The following MYO16 variants were observed in gnomAD, a reference collection of about 807,000 sequenced individuals.
MYO16 encodes myosin XVI.
Under a neutral mutation model 205.3 loss-of-function variants are expected in MYO16, and 94 were observed. The observed-to-expected ratio is 0.46, with a 90% CI of 0.39 to 0.54. MYO16 has a LOEUF of 0.54. Ranked by LOEUF, MYO16 falls within the 20% of genes least tolerant of loss-of-function variation. The pLI is 0.00. For synonymous variants in MYO16, 988 were observed against 954.0 expected (o/e 1.04, Z -0.66); for missense variants, 2,315 against 2,387.5 (o/e 0.97, Z 0.63).
chr13:108,653,499 T>A (rs1029428276), intron 1 of MYO16, among the ~76,000 whole-genome samples: 5 of 152,142 alleles, frequency 3.3e-5, no homozygotes, highest in Non-Finnish European at 5.9e-5. Context: ...TTTTTCCCTG[T>A]GTTTTTTTCT....
intron 1 of MYO16, among the ~76,000 whole-genome samples, chr13:108,607,895 C>A (rs1013131560): frequency 7.2e-5 from 11 of 152,194 alleles, no homozygotes; most frequent in African/African-American, 2.7e-4. Flanking sequence ...ACTGGTTGTT[C>A]TCTTAGGGTT....
chr13:108,694,886 G>A, intron 2 of MYO16, among the ~76,000 whole-genome samples: 1 of 152,158 alleles, frequency 6.6e-6, no homozygotes, highest in East Asian at 1.9e-4. Flanking sequence ...GCTGAGGCGG[G>A]TGGATCACCT....
In MYO16 at chr13:109,127,859, T is replaced by TA. The variant is rs34317737; in HGVS notation, c.4051+328dup. Among the ~76,000 whole-genome samples, 328 of 132,622 alleles carry TA rather than the reference T, an allele frequency of 2.5e-3. 2 individuals are homozygous for TA. The highest frequency in any genetic ancestry group is 3.0e-3 in the African/African-American group (107 of 35,416). The allele number at this position is 132,622 out of a possible 152,430, so 87.0% of individuals were successfully genotyped here. A position where few individuals can be genotyped will look rare whatever the true frequency, so the allele number is the denominator to read the frequency against. ...ATGTAAAGGTTCACCAATGAGAAAG[T>TA]AAAAAAAAAAAAAAAAAAACTGCTT... On this transcript the variant is annotated intron_variant, in intron 31 of 34. Transcript: ENST00000457511. This position sits in a 1 kb window ranked among gnomAD's most constrained non-coding sequence, Gnocchi z 4.2.
At chr13:109,081,954 T>C (rs1197470793) in intron 27 of MYO16, among the ~76,000 whole-genome samples, 2 of 152,218 alleles carry the variant, frequency 1.3e-5, no homozygotes, top group Non-Finnish European at 2.9e-5. Context: ...AAATAAAGTT[T>C]CATTGTTACA....
chr13:109,201,684 T>A (rs1372452932), intron 34 of MYO16, among the ~76,000 whole-genome samples: 1 of 152,022 alleles, frequency 6.6e-6, no homozygotes, highest in Non-Finnish European at 1.5e-5. Flanking sequence ...ATTTGTGAGA[T>A]TTTGATGCAC....
chr13:109,183,720 A>G (rs1156543926), intron 34 of MYO16, among the ~76,000 whole-genome samples: 1 of 152,222 alleles, frequency 6.6e-6, no homozygotes, highest in Non-Finnish European at 1.5e-5. Flanking sequence ...TAAAGAACAT[A>G]AAAAGTTATT....
intron 28 of MYO16, among the ~76,000 whole-genome samples, chr13:109,115,966 A>AAAAC (rs201519962): frequency 1.3e-5 from 2 of 149,300 alleles, no homozygotes; most frequent in East Asian, 2.4e-4. Context: ...GCATCTCAAA[A>AAAAC]AAACAAACAA....
At chr13:108,593,522 C>T (rs769039799), upstream of MYO16, among the ~76,000 whole-genome samples, 8 of 152,216 alleles carry the variant, frequency 5.3e-5, no homozygotes, top group East Asian at 1.9e-4. Context: ...TGAAGCCCCA[C>T]GGACGAATTG....
At chr13:108,905,401 G>T (rs1404876868) in intron 15 of MYO16, among the ~76,000 whole-genome samples, 1 of 152,150 alleles carries the variant, frequency 6.6e-6, no homozygotes, top group Non-Finnish European at 1.5e-5. Context: ...GCTAATAAAG[G>T]GTTGCCAAGA....
At chr13:108,956,312 C>A (rs546827153) in intron 16 of MYO16, among the ~76,000 whole-genome samples, 1 of 152,084 alleles carries the variant, frequency 6.6e-6, no homozygotes, top group Non-Finnish European at 1.5e-5. Flanking sequence ...CCAGCTCTCT[C>A]TCCTCCCTTC....
chr13:108,510,461 G>GTTTTTTTTTT, the MYO16 span, among the ~76,000 whole-genome samples: 26 of 45,896 alleles, frequency 5.7e-4, no homozygotes, highest in East Asian at 2.0e-3. Context: ...ATTGATAGCT[G>GTTTTTTTTTT]TTTTTTTTTT....
chr13:109,086,465 C>A (rs1009707727), intron 27 of MYO16, among the ~76,000 whole-genome samples: 3 of 152,156 alleles, frequency 2.0e-5, no homozygotes, highest in African/African-American at 4.8e-5. Context: ...AAGAGATGAA[C>A]CATCTTATAC....
In MYO16 at chr13:109,162,289, C is replaced by T. The variant is rs1055915427; in HGVS notation, c.5165-2612C>T. Among the ~76,000 whole-genome samples the T allele has an allele frequency of 3.9e-5, 6 of 152,164 alleles. No homozygotes were observed. The South Asian group carries it at 6.2e-4, about 16-fold the overall frequency. On this transcript the variant is annotated intron_variant, in intron 32 of 34. Coordinates refer to ENST00000457511, the MANE Select transcript of MYO16 (RefSeq NM_001198950.3). This position sits in a 1 kb window ranked among gnomAD's most constrained non-coding sequence, Gnocchi z 4.6. ...GAGTCAGCAAGTGCCTTAGAGGATT[C>T]GTTTATTGCCACCAGGTGTAAGAGG...
intron 6 of MYO16, among the ~76,000 whole-genome samples, chr13:108,797,487 G>T (rs1162893766): frequency 6.6e-6 from 1 of 152,186 alleles, no homozygotes; most frequent in African/African-American, 2.4e-5. Context: ...AAACCAAGAG[G>T]ACGAAATGTC....
the MYO16 span, among the ~76,000 whole-genome samples, chr13:108,528,568 TCTCCCCTCCCCTCCCCTTTCCC>T: frequency 4.6e-5 from 5 of 108,836 alleles, no homozygotes; most frequent in Admixed American, 3.5e-4. Flanking sequence ...TCTCCTCTCC[TCTCCCCTCCCCTCCCCTTTCCC>T]CTCCTCTCCC....
chr13:108,811,219 A>G (rs961730671), intron 7 of MYO16, among the ~76,000 whole-genome samples: 1 of 152,200 alleles, frequency 6.6e-6, no homozygotes, highest in Non-Finnish European at 1.5e-5. Flanking sequence ...TTTTATTCTC[A>G]AATACATTTT....
At chr13:108,907,502 C>G (rs1205323238) in intron 15 of MYO16, among the ~76,000 whole-genome samples, 3 of 152,186 alleles carry the variant, frequency 2.0e-5, no homozygotes, top group Non-Finnish European at 4.4e-5. Context: ...AGAAGCCCAT[C>G]ATACTCCTTC....
intron 4 of MYO16, among the ~76,000 whole-genome samples, chr13:108,728,719 G>C (rs1026394485): frequency 6.6e-6 from 1 of 152,190 alleles, no homozygotes; most frequent in Non-Finnish European, 1.5e-5. Context: ...TTTAGGGCCC[G>C]CCCTAAGGCA....
intron 20 of MYO16, among the ~76,000 whole-genome samples, chr13:108,975,501 A>C: frequency 6.6e-6 from 1 of 152,192 alleles, no homozygotes; most frequent in East Asian, 1.9e-4. Flanking sequence ...TAAATCTTTG[A>C]GTTAAAACTT....
Sources: gnomAD v4.1 joint callset for allele counts (sites outside exome capture counted in the v4.1 genomes callset) on GRCh38, gnomAD v4.1.1 for gene constraint, Gnocchi (gnomAD v3.1) non-coding constraint, MANE v1.5 for transcripts, NCBI Gene and HGNC (gene_info 2026-07-23, HGNC 2026-07-21) for gene names.